Variants in COL26A1 observed in about 807,000 individuals in gnomAD.
COL26A1 encodes the protein collagen type XXVI alpha 1 chain.
In COL26A1, 41 loss-of-function variants were observed where a neutral mutation model predicts 59.3. That is an observed-to-expected ratio of 0.69 (90% CI 0.54 to 0.90). COL26A1 has a LOEUF of 0.90. Among genes scored for constraint, COL26A1 ranks in the 40% least tolerant of loss-of-function variants. The pLI is 0.00. For synonymous variants in COL26A1, 266 were observed against 256.0 expected, an observed-to-expected ratio of 1.04 and a Z score of -0.37; for missense variants, 612 against 602.3, an observed-to-expected ratio of 1.02 and a Z score of -0.17.
chr7:101,452,742 A>G (rs1793373577), intron 3 of COL26A1, among the ~76,000 whole-genome samples: 1 of 152,072 alleles, frequency 6.6e-6, no homozygotes, highest in Non-Finnish European at 1.5e-5. Context: ...GAAAAGGTAC[A>G]GTACAAATAT....
At chr7:101,463,488 C>T (rs899071113) in intron 3 of COL26A1, among the ~76,000 whole-genome samples, 12 of 148,250 alleles carry the variant, frequency 8.1e-5, no homozygotes, top group African/African-American at 3.0e-4. Flanking sequence ...ATATCCCTTC[C>T]CTCCCCTCCT....
chr7:101,384,243 T>G (rs1029651325), intron 1 of COL26A1, among the ~76,000 whole-genome samples: 1 of 150,064 alleles, frequency 6.7e-6, no homozygotes, highest in Non-Finnish European at 1.5e-5. Context: ...TTTTTTTTTT[T>G]TTTTTTTTTT....
At chr7:101,440,226 T>C (rs893935642) in intron 2 of COL26A1, among the ~76,000 whole-genome samples, 11 of 151,720 alleles carry the variant, frequency 7.3e-5, no homozygotes, top group Middle Eastern at 6.8e-3. Context: ...ATTAGCCAGG[T>C]GTGGTGGTGT....
intron 2 of COL26A1, among the ~76,000 whole-genome samples, chr7:101,436,356 C>T (rs916230373): frequency 1.3e-5 from 2 of 152,184 alleles, no homozygotes; most frequent in African/African-American, 4.8e-5. Context: ...CCTCCACTCT[C>T]GTTTCCTGTT....
rs1177502295 is a variant in COL26A1, at chr7:101,489,601, TTTTCTTTC to T, written c.385+41869_385+41876del. Reference sequence around the variant, plus strand: ...CACCACACTCGGCTATTTTCTTTCTTTTTCTTTCTTTCTTTCTTTCTTTCTTTCTTTCT... The same window carrying T: ...CACCACACTCGGCTATTTTCTTTCTTTTTCTTTCTTTCTTTCTTTCTTTCT... On this transcript the variant is annotated intron_variant, in intron 3 of 12. Coordinates refer to ENST00000313669, the MANE Select transcript of COL26A1 (RefSeq NM_001278563.3). Among the ~76,000 whole-genome samples the T allele has an allele frequency of 2.7e-3, 280 of 105,216 alleles. 10 individuals carry two copies. The highest frequency in any genetic ancestry group is 9.3e-3 in the East Asian group (26 of 2,786). The allele number at this position is 105,216 out of a possible 152,430, so 69.0% of individuals were successfully genotyped here. A position where few individuals can be genotyped will look rare whatever the true frequency, so the allele number is the denominator to read the frequency against.
intron 3 of COL26A1, among the ~76,000 whole-genome samples, chr7:101,500,776 G>A (rs112488993): frequency 0.062 from 9,448 of 152,112 alleles, 392 homozygotes; most frequent in Non-Finnish European, 0.094. Flanking sequence ...AGCCGAGATC[G>A]CGCCATTGCA....
chr7:101,404,326 C>G (rs944928651), intron 1 of COL26A1, among the ~76,000 whole-genome samples: 1 of 152,138 alleles, frequency 6.6e-6, no homozygotes, highest in Non-Finnish European at 1.5e-5. Flanking sequence ...GTTTTTACAA[C>G]GCATCTGAAA....
At chr7:101,420,665 G>C in intron 2 of COL26A1, among the ~76,000 whole-genome samples, 1 of 73,318 alleles carries the variant, frequency 1.4e-5, no homozygotes, top group South Asian at 4.6e-4. Flanking sequence ...CCCCTCACCA[G>C]CTCTGCCCCT....
At chr7:101,506,832 A>G (rs1029944290) in intron 3 of COL26A1, among the ~76,000 whole-genome samples, 8 of 151,910 alleles carry the variant, frequency 5.3e-5, no homozygotes, top group Non-Finnish European at 7.4e-5. Context: ...TTTCTGTCCA[A>G]TCCCTCTCCA....
intron 3 of COL26A1, among the ~76,000 whole-genome samples, chr7:101,529,310 C>T (rs534917454): frequency 6.6e-6 from 1 of 152,214 alleles, no homozygotes; most frequent in African/African-American, 2.4e-5. Context: ...GCTCTCTTGG[C>T]CAGGCTGGAG....
At position 101,380,598 on chromosome 7, in the gene COL26A1, G is replaced by C. The variant is rs190628730; in HGVS notation, c.158+17408G>C. ...AAATTTGTTTTTACTTTACTCTATG[G>C]ACTTGCCCCAAATTCTTTCTCACAC... is the stretch of plus-strand genomic sequence containing the variant. On this transcript the variant is annotated intron_variant, in intron 1 of 12. Transcript: ENST00000313669. Among the ~76,000 whole-genome samples the C allele has an allele frequency of 2.0e-3, 307 of 151,932 alleles. 9 individuals carry two copies. The highest frequency in any genetic ancestry group is 0.02 in the Admixed American group (306 of 15,218).
chr7:101,384,230 G>GTTTTTGTTTTTTTTT (rs768170962), intron 1 of COL26A1, among the ~76,000 whole-genome samples: 60 of 105,668 alleles, frequency 5.7e-4, no homozygotes, highest in African/African-American at 2.3e-3. Context: ...GTTCAGGCTG[G>GTTTTTGTTTTTTTTT]TTTTTTTTTT....
chr7:101,473,444 G>T (rs1337074516), intron 3 of COL26A1, among the ~76,000 whole-genome samples: 1 of 150,874 alleles, frequency 6.6e-6, no homozygotes, highest in Non-Finnish European at 1.5e-5. Context: ...AAACACTGGG[G>T]CTTGGCACCA....
intron 3 of COL26A1, among the ~76,000 whole-genome samples, chr7:101,525,865 G>A (rs975936402): frequency 6.6e-6 from 1 of 152,012 alleles, no homozygotes; most frequent in South Asian, 2.1e-4. Flanking sequence ...CCTCCTACAT[G>A]GCAGTCCAGC....
At chr7:101,451,370 A>G (rs1164853812) in intron 3 of COL26A1, among the ~76,000 whole-genome samples, 4 of 147,054 alleles carry the variant, frequency 2.7e-5, no homozygotes, top group Non-Finnish European at 1.5e-5. Flanking sequence ...TATATAAATT[A>G]TATATAATGT....
intron 3 of COL26A1, among the ~76,000 whole-genome samples, chr7:101,484,142 A>G (rs13245149): frequency 0.52 from 78,705 of 151,142 alleles, 22,072 homozygotes; most frequent in African/African-American, 0.73. Context: ...GAGCTACTGC[A>G]CCTGGCACTA....
chr7:101,552,153 G>A (rs1795875821), intron 10 of COL26A1, among the ~76,000 whole-genome samples: 1 of 152,210 alleles, frequency 6.6e-6, no homozygotes, highest in Non-Finnish European at 1.5e-5. Flanking sequence ...CTAGGTGCCA[G>A]GCTCTAATCT....
chr7:101,520,481 C>T (rs1054655106), intron 3 of COL26A1, among the ~76,000 whole-genome samples: 2 of 152,050 alleles, frequency 1.3e-5, no homozygotes, highest in Admixed American at 6.6e-5. Flanking sequence ...GGCCAGGAGA[C>T]GCGACCACCC....
At chr7:101,375,723 C>T (rs1436823387) in intron 1 of COL26A1, among the ~76,000 whole-genome samples, 3 of 145,772 alleles carry the variant, frequency 2.1e-5, no homozygotes, top group Non-Finnish European at 3.0e-5. Context: ...CACGGTGGCT[C>T]ACGCTTGTAA....
Sources: allele counts gnomAD v4.1 joint callset (sites outside exome capture counted in the v4.1 genomes callset), GRCh38; gene constraint gnomAD v4.1.1; transcripts MANE v1.5; gene names NCBI Gene and HGNC (gene_info 2026-07-23, HGNC 2026-07-21).